NEBL: variants seen among roughly 807,000 people sequenced by gnomAD.
NEBL encodes the protein LIM and SH3 protein 2.
Under a neutral mutation model 140.2 loss-of-function variants are expected in NEBL, and 122 were observed. The ratio of observed to expected loss-of-function variants is 0.87; its 90% confidence interval spans 0.75 to 1.01. The LOEUF (loss-of-function observed/expected upper bound fraction) is 1.01. Among genes scored for constraint, NEBL ranks in the 50% least tolerant of loss-of-function variants. The pLI is 0.00. For synonymous variants in NEBL, 436 were observed against 398.9 expected (o/e 1.09, Z -1.11); for missense variants, 1,365 against 1,231.3 (o/e 1.11, Z -1.62).
At chr10:20,963,003 A>AAAAC (rs373283147) in intron 3 of NEBL, among the ~76,000 whole-genome samples, 1 of 143,210 alleles carries the variant, frequency 7.0e-6, no homozygotes, top group African/African-American at 2.6e-5. Context: ...TTGAAAGAAA[A>AAAAC]ACACACACAC....
chr10:21,010,130 G>A (rs1449208892), intron 3 of NEBL, among the ~76,000 whole-genome samples: 2 of 152,196 alleles, frequency 1.3e-5, no homozygotes, highest in Admixed American at 6.5e-5. Context: ...GTTCCCTAAT[G>A]AGCCTGTTAA....
chr10:21,222,825 C>T (rs557898763), intron 3 of NEBL, among the ~76,000 whole-genome samples: 5 of 152,260 alleles, frequency 3.3e-5, no homozygotes, highest in African/African-American at 4.8e-5. Flanking sequence ...TGCAATGGTG[C>T]GATCTCAGCT....
chr10:20,844,389 G>GAT (rs1246604934), intron 12 of NEBL, among the ~76,000 whole-genome samples: 2 of 149,776 alleles, frequency 1.3e-5, no homozygotes, highest in African/African-American at 4.9e-5. Context: ...TTGTGTATAA[G>GAT]ATATATATAC....
chr10:20,792,803 C>CAAA (rs879926102), intron 26 of NEBL, among the ~76,000 whole-genome samples: 2 of 105,014 alleles, frequency 1.9e-5, no homozygotes, highest in African/African-American at 3.4e-5. Flanking sequence ...AATTCTGTCT[C>CAAA]AAAAAAAAAA....
At chr10:21,117,133 G>C (rs1838322538) in intron 2 of NEBL, among the ~76,000 whole-genome samples, 1 of 152,016 alleles carries the variant, frequency 6.6e-6, no homozygotes, top group South Asian at 2.1e-4. Flanking sequence ...GCTCTGCCAA[G>C]TAAGACCAGA....
intron 20 of NEBL, chr10:20,818,782 C>T: frequency 1.0e-6 from 1 of 986,268 alleles, no homozygotes; most frequent in African/African-American, 1.7e-5. Context: ...TAAGCAAACA[C>T]AGCTAAGGTA....
At position 20,817,688 on chromosome 10, in the gene NEBL, T is replaced by G; in HGVS notation, c.2060A>C (p.Lys687Thr). ...RRNQEQLSAV[K>T]YKGELQRGTA... Reference sequence around the variant, plus strand: ...TCCCCGTTGAAGTTCTCCCTTATATTTTACCTAAGAAGGATAAATAAGAAC... The same window carrying G: ...TCCCCGTTGAAGTTCTCCCTTATATGTTACCTAAGAAGGATAAATAAGAAC... The change falls in exon 21 of 28, where the codon AAA (lysine) becomes ACA (threonine). Residue 687 changes from lysine (K) to threonine (T), a missense_variant. Lys to Thr is a moderately conservative substitution (Grantham distance 78). Coordinates refer to ENST00000377122, the MANE Select transcript of NEBL (RefSeq NM_006393.3). The G allele has an allele frequency of 6.2e-7, 1 of 1,610,580 alleles. No homozygotes were observed. Among genetic ancestry groups the G allele is most frequent in the Non-Finnish European group, 8.5e-7 (1 of 1,176,864 alleles).
intron 14 of NEBL, among the ~76,000 whole-genome samples, chr10:20,831,838 G>A (rs957846990): frequency 6.6e-6 from 1 of 152,022 alleles, no homozygotes; most frequent in African/African-American, 2.4e-5. Context: ...TAGCCAAGGG[G>A]AAAATTTAAC....
intron 7 of NEBL, 139 bp downstream of exon 7, chr10:20,868,525 C>T: frequency 1.4e-6 from 1 of 717,166 alleles, no homozygotes; most frequent in Non-Finnish European, 2.5e-6. Context: ...GATTGCAAGC[C>T]CATCTGAACT....
upstream of NEBL, among the ~76,000 whole-genome samples, chr10:20,898,078 C>G (rs1411358813): frequency 1.3e-5 from 2 of 152,108 alleles, no homozygotes; most frequent in Non-Finnish European, 2.9e-5. Flanking sequence ...CATTATTACT[C>G]AATGGGCACC....
At chr10:21,177,826 C>T (rs144688656), upstream of NEBL, among the ~76,000 whole-genome samples, 1,395 of 152,298 alleles carry the variant, frequency 9.2e-3, 20 homozygotes, top group African/African-American at 0.029. Flanking sequence ...CCGTGCCCAG[C>T]CTACAGTCTT....
At chr10:21,215,491 A>C (rs1312112869) in intron 3 of NEBL, among the ~76,000 whole-genome samples, 2 of 152,222 alleles carry the variant, frequency 1.3e-5, no homozygotes. Flanking sequence ...AATGTAGCAC[A>C]AAAGTAAATA....
chr10:20,825,469 C>T (rs375895800), intron 18 of NEBL, among the ~76,000 whole-genome samples: 3 of 151,806 alleles, frequency 2.0e-5, no homozygotes, highest in Admixed American at 6.6e-5. Flanking sequence ...CCAGCCTGGC[C>T]GACATGGTGA....
At chr10:20,836,348 G>A (rs1281908953) in intron 13 of NEBL, among the ~76,000 whole-genome samples, 4 of 151,916 alleles carry the variant, frequency 2.6e-5, no homozygotes, top group Non-Finnish European at 2.9e-5. Flanking sequence ...TCAGCCTCCC[G>A]AATAGCTGGG....
chr10:21,061,281 G>T (rs575464706), intron 2 of NEBL, among the ~76,000 whole-genome samples: 2 of 147,822 alleles, frequency 1.4e-5, no homozygotes, highest in Admixed American at 1.4e-4. Context: ...TACATATTAT[G>T]TGATATGTAA....
chr10:20,784,730 G>A lies in NEBL; in HGVS notation c.*1017C>T, dbSNP rs1408874353. The A allele has an allele frequency of 6.6e-6, 1 of 152,254 alleles. No individual in the cohort carries two copies. The highest frequency in any genetic ancestry group is 2.4e-5 in the African/African-American group (1 of 41,544). 9.4% of individuals were successfully genotyped at this position (152,254 alleles called of 1,614,324 possible). On this transcript the variant is annotated 3_prime_UTR_variant, in exon 28 of 28. Transcript: ENST00000377122. ...CAATGGTGGCATTAAGTTAATCAAA[G>A]CTGTTCAATGGAACACCTAAATCGC... is the stretch of plus-strand genomic sequence containing the variant.
At chr10:20,836,445 A>T (rs1360376649) in intron 13 of NEBL, among the ~76,000 whole-genome samples, 1 of 151,580 alleles carries the variant, frequency 6.6e-6, no homozygotes, top group East Asian at 2.0e-4. Context: ...CCGGTCACGA[A>T]CTCCTGACCT....
At chr10:21,020,009 AC>A (rs1188561753) in intron 3 of NEBL, 7 of 966,630 alleles carry the variant, frequency 7.2e-6, no homozygotes, top group African/African-American at 1.6e-5. Flanking sequence ...CAGCCTCCAC[AC>A]CGGCTGGTGA....
rs56366013 is a variant in NEBL, at chr10:21,113,290, T to TAAAAAAAAAAAAAAAA, written c.164+59077_164+59092dup. The TAAAAAAAAAAAAAAAA allele has an allele frequency of 5.6e-4, 70 of 124,022 alleles. 1 individual carries two copies. The highest frequency in any genetic ancestry group is 1.9e-3 in the African/African-American group (21 of 11,034). The allele number at this position is 124,022 out of a possible 1,614,324, so 7.7% of individuals were successfully genotyped here. A position where few individuals can be genotyped will look rare whatever the true frequency, so the allele number is the denominator to read the frequency against. Reference sequence around the variant, plus strand: ...ACCAAGATCAAAAGGATGAGAATCCTAAAAAAAAAAAAAAAACCAGGAAAA... The same window carrying TAAAAAAAAAAAAAAAA: ...ACCAAGATCAAAAGGATGAGAATCCTAAAAAAAAAAAAAAAAAAAAAAAAAAAAAAAACCAGGAAAA... On this transcript the variant is annotated intron_variant, in intron 2 of 6. Coordinates refer to the NEBL transcript ENST00000417816.
Sources: gnomAD v4.1 joint callset for allele counts (sites outside exome capture counted in the v4.1 genomes callset) on GRCh38, gnomAD v4.1.1 for gene constraint, MANE v1.5 for transcripts, NCBI Gene and HGNC (gene_info 2026-07-23, HGNC 2026-07-21) for gene names.